The following CGA variants were observed in gnomAD, a reference collection of about 807,000 sequenced individuals.
The protein encoded by CGA is glycoprotein hormones, alpha polypeptide.
In CGA, 4 loss-of-function variants were observed where a neutral mutation model predicts 12.0. That is an observed-to-expected ratio of 0.33 (90% CI 0.16 to 0.76). The LOEUF is 0.76. CGA is among the 30% of genes least tolerant of loss of function. The pLI, the probability that CGA is intolerant of heterozygous loss-of-function variation, is 0.60. For synonymous variants in CGA, 60 were observed against 56.6 expected (o/e 1.06, Z -0.27); for missense variants, 102 against 143.5 (o/e 0.71, Z 1.48).
rs1396389533 is a variant in CGA at position 87,088,120 on chromosome 6, A to T, written c.81T>A (p.Asp27Glu). 1.3e-6 allele frequency: 2 copies of T among 1,596,824 alleles called. No homozygotes were observed. Among genetic ancestry groups the T allele is most frequent in the Non-Finnish European group, 1.7e-6 (2 of 1,169,638 alleles). The change falls in exon 2 of 4, where the codon GAT (aspartate) becomes GAA (glutamate). Residue 27 changes from aspartate (D) to glutamate (E), a missense_variant. By Grantham distance (45) the Asp-to-Glu change is conservative (BLOSUM62 2). Coordinates refer to ENST00000627148, the MANE Select transcript of CGA (RefSeq NM_000735.4). ...VFLHVLHSAP[D>E]VQDCPECTLQ... ...ACAAATTTGGTCACGCACCCTGCAC[A>T]TCAGGAGCGGAATGGAGAACATGCA...
chr6:87,095,075 T>C lies in CGA; in HGVS notation c.-70A>G, dbSNP rs1769514318. Reference sequence around the variant, plus strand: ...TTGACTGTGGATCCGAAGAGGGATTTTAGCTTCGTCTTATGAGTTCTCAGT... The same window carrying C: ...TTGACTGTGGATCCGAAGAGGGATTCTAGCTTCGTCTTATGAGTTCTCAGT... On this transcript the variant is annotated 5_prime_UTR_variant, in exon 1 of 4. Coordinates refer to ENST00000627148, the MANE Select transcript of CGA (RefSeq NM_000735.4). The C allele has an allele frequency of 6.6e-6, 1 of 152,198 alleles. No individual in the cohort carries two copies. Among genetic ancestry groups the C allele is most frequent in the Non-Finnish European group, 1.5e-5 (1 of 68,024 alleles). 9.4% of individuals were successfully genotyped at this position (152,198 alleles called of 1,614,324 possible).
At chr6:87,090,082 T>A (rs1054494362) in intron 1 of CGA, among the ~76,000 whole-genome samples, 3 of 152,190 alleles carry the variant, frequency 2.0e-5, no homozygotes, top group Admixed American at 6.5e-5. Context: ...TGTGTAAGTA[T>A]GAAGGCTAAA....
At chr6:87,091,336 G>C (rs1428241103) in intron 1 of CGA, among the ~76,000 whole-genome samples, 1 of 152,108 alleles carries the variant, frequency 6.6e-6, no homozygotes, top group Non-Finnish European at 1.5e-5. Context: ...AGTAAAAACA[G>C]AATAGCCTTC....
In CGA at chr6:87,088,186, T is replaced by C. The variant is rs6155; in HGVS notation, c.15A>G (p.Arg5=). ...TGACCAGAAAGATAGCTGCATATTT[T>C]CTGTAGTAATCCATGGCGCTCCTGC... MDYY[R]KYAAIFLVTL... Residue 5 remains arginine, a synonymous_variant, in exon 2 of 4, where the codon AGA becomes AGG. Transcript: ENST00000627148. 38,304 of 1,585,232 alleles carry C rather than the reference T, an allele frequency of 0.024. 835 individuals carry two copies. The highest frequency in any genetic ancestry group is 0.11 in the African/African-American group (8,153 of 72,080).
In CGA at chr6:87,085,793, G is replaced by T; in HGVS notation, c.314C>A (p.Ala105Glu). The T allele has an allele frequency of 6.2e-7, 1 of 1,612,676 alleles. No individual in the cohort carries two copies. Among genetic ancestry groups the T allele is most frequent in the Non-Finnish European group, 8.5e-7 (1 of 1,178,960 alleles). ...ATAATAACAAGTACTGCAGTGGCAC[G>T]CCGTGTGGTTCTCCACTTTGAAACC... ...MGGFKVENHT[A>E]CHCSTCYYHK... Residue 105 changes from alanine (A) to glutamate (E), a missense_variant, in exon 4 of 4, where the codon GCG (alanine) becomes GAG (glutamate). Physicochemically the swap from Ala to Glu is moderately radical, Grantham distance 107. Coordinates refer to ENST00000627148, the MANE Select transcript of CGA (RefSeq NM_000735.4).
At position 87,088,072 on chromosome 6, in the gene CGA, G is replaced by A. The variant is rs752689348; in HGVS notation, c.88+41C>T. ...GTTATTGATGTACATCTAGAAATGTGTGTTGTCCTTATTACTTGAACCACA... is the reference window on the plus strand; with the variant it reads ...GTTATTGATGTACATCTAGAAATGTATGTTGTCCTTATTACTTGAACCACA... On this transcript the variant is annotated intron_variant, in intron 2 of 3. Transcript: ENST00000627148. 7.1e-6 allele frequency: 8 copies of A among 1,126,110 alleles called. No homozygotes were observed. In the Admixed American group the frequency reaches 8.3e-5, roughly 12 times the overall value. 69.8% of individuals were successfully genotyped at this position (1,126,110 alleles called of 1,614,324 possible). A position where few individuals can be genotyped will look rare whatever the true frequency, so the allele number is the denominator to read the frequency against.
At position 87,085,695 on chromosome 6, in the gene CGA, A is replaced by G; in HGVS notation, c.*61T>C. 2 of 1,188,566 alleles carry G rather than the reference A, an allele frequency of 1.7e-6. No homozygotes were observed. Among genetic ancestry groups the G allele is most frequent in the Non-Finnish European group, 2.5e-6 (2 of 803,240 alleles). The allele number at this position is 1,188,566 out of a possible 1,614,324, so 73.6% of individuals were successfully genotyped here. Reference sequence around the variant, plus strand: ...TTATCTCACAAAGCCATAAACACTAAACAACTTAATTTTCCATTCCAGAAA... The same window carrying G: ...TTATCTCACAAAGCCATAAACACTAGACAACTTAATTTTCCATTCCAGAAA... On this transcript the variant is annotated 3_prime_UTR_variant, in exon 4 of 4. Coordinates refer to ENST00000627148, the MANE Select transcript of CGA (RefSeq NM_000735.4).
intron 2 of CGA, 158 bp downstream of exon 2, chr6:87,087,955 A>G: frequency 2.4e-6 from 1 of 415,346 alleles, no homozygotes; most frequent in Non-Finnish European, 4.3e-6. Context: ...ACCTAATTTA[A>G]TTTTATGTTC....
At position 87,086,262 on chromosome 6, in the gene CGA, T is replaced by C. The variant is rs1470924030; in HGVS notation, c.261A>G (p.Lys87=). ...VTSESTCCVA[K]SYNRVTVMGG... is the part of the protein sequence containing the mutation. ...TTGAGGTTCTTACCCTGTTATATGA[T>C]TTAGCTACACAGCAAGTGGACTCTG... Residue 87 remains lysine, a synonymous_variant, in exon 3 of 4, where the codon AAA becomes AAG. Transcript: ENST00000627148. The C allele has an allele frequency of 6.2e-7, 1 of 1,611,916 alleles. No individual in the cohort carries two copies. The highest frequency in any genetic ancestry group is 8.5e-7 in the Non-Finnish European group (1 of 1,179,262).
In CGA at chr6:87,085,648, T is replaced by G. The variant is rs548269987; in HGVS notation, c.*108A>C. 1 of 748,076 alleles carries G rather than the reference T, an allele frequency of 1.3e-6. No homozygotes were observed. Among genetic ancestry groups the G allele is most frequent in the East Asian group, 2.7e-5 (1 of 36,914 alleles). The allele number at this position is 748,076 out of a possible 1,614,324, so 46.3% of individuals were successfully genotyped here. On this transcript the variant is annotated 3_prime_UTR_variant, in exon 4 of 4. Transcript: ENST00000627148. ...ATATCCTTGAAGCGTGTCAAAGTGG[T>G]ATGGTAAGGAAAAGGAGAGTTTTAT...
Position 87,086,663 on chromosome 6 carries a change from G to A in CGA, c.89-229C>T, listed in dbSNP as rs1769330743. ...TAGCCAGACGTGATGGTGCACACCT[G>A]TAGTCCCAGCTGCTTGAGGGTCTGG... is the stretch of plus-strand genomic sequence containing the variant. On this transcript the variant is annotated intron_variant, in intron 2 of 3. Coordinates refer to ENST00000627148, the MANE Select transcript of CGA (RefSeq NM_000735.4). The A allele has an allele frequency of 6.5e-6, 3 of 458,584 alleles. No homozygotes were observed. In the South Asian group the frequency reaches 1.0e-4, roughly 16 times the overall value. The allele number at this position is 458,584 out of a possible 1,614,324, so 28.4% of individuals were successfully genotyped here. A position where few individuals can be genotyped will look rare whatever the true frequency, so the allele number is the denominator to read the frequency against.
intron 1 of CGA, among the ~76,000 whole-genome samples, chr6:87,094,286 TA>T (rs2127756029): frequency 6.6e-6 from 1 of 152,342 alleles, no homozygotes; most frequent in Non-Finnish European, 1.5e-5. Flanking sequence ...AAAGGTCTTT[TA>T]TTTTCTAGTG....
At chr6:87,093,025 C>A (rs746441497) in intron 1 of CGA, among the ~76,000 whole-genome samples, 3 of 152,222 alleles carry the variant, frequency 2.0e-5, no homozygotes, top group Admixed American at 6.5e-5. Flanking sequence ...GTGATATCCC[C>A]GGCTCTGCCT....
chr6:87,086,119 C>T (rs564279581), intron 3 of CGA, 131 bp downstream of exon 3: 1 of 792,336 alleles, frequency 1.3e-6, no homozygotes, highest in Admixed American at 2.5e-5. Context: ...GAAATGTATT[C>T]CCCACCTGTA....
rs1484049095 is a variant in CGA at position 87,086,023 on chromosome 6, C to T, written c.274-190G>A. ...AAGCTGTACTTTCTCCCAACCTGCCCCTTGTCACCTCTACCCCTATTCTCC... is the reference window on the plus strand; with the variant it reads ...AAGCTGTACTTTCTCCCAACCTGCCTCTTGTCACCTCTACCCCTATTCTCC... On this transcript the variant is annotated intron_variant, in intron 3 of 3. Coordinates refer to ENST00000627148, the MANE Select transcript of CGA (RefSeq NM_000735.4). 3.7e-5 allele frequency: 24 copies of T among 650,912 alleles called. No individual in the cohort carries two copies. In the Admixed American group the frequency reaches 5.7e-4, roughly 16 times the overall value. The allele number at this position is 650,912 out of a possible 1,614,324, so 40.3% of individuals were successfully genotyped here.
At chr6:87,087,917 G>C in intron 2 of CGA, 196 bp downstream of exon 2, 1 of 379,114 alleles carries the variant, frequency 2.6e-6, no homozygotes, top group Non-Finnish European at 4.7e-6. Flanking sequence ...GGTTGTGTAA[G>C]ATATCATTTT....
At chr6:87,091,546 A>G (rs1326615249) in intron 1 of CGA, among the ~76,000 whole-genome samples, 1 of 152,228 alleles carries the variant, frequency 6.6e-6, no homozygotes, top group Non-Finnish European at 1.5e-5. Context: ...TTGGTATTTC[A>G]CATGAGTATT....
In CGA at chr6:87,088,515, T is replaced by C. The variant is rs371932344; in HGVS notation, c.-7-308A>G. On this transcript the variant is annotated intron_variant, in intron 1 of 3. Transcript: ENST00000627148. ...TAAAATTTAAATTTTAAATTATCTGTCATCCTGTTAAGAAGCCTCAATGTC... is the reference window on the plus strand; with the variant it reads ...TAAAATTTAAATTTTAAATTATCTGCCATCCTGTTAAGAAGCCTCAATGTC... Among the ~76,000 whole-genome samples, 11 of 152,224 alleles carry C rather than the reference T, an allele frequency of 7.2e-5. No individual in the cohort carries two copies. In the East Asian group the frequency reaches 1.7e-3, roughly 24 times the overall value.
At chr6:87,089,839 A>G (rs2127754784) in intron 1 of CGA, among the ~76,000 whole-genome samples, 1 of 152,356 alleles carries the variant, frequency 6.6e-6, no homozygotes, top group South Asian at 2.1e-4. Flanking sequence ...ACATATAAGT[A>G]CTTAACAGAA....
Sources: allele counts gnomAD v4.1 joint callset (sites outside exome capture counted in the v4.1 genomes callset), GRCh38; gene constraint gnomAD v4.1.1; transcripts MANE v1.5; gene names NCBI Gene and HGNC (gene_info 2026-07-23, HGNC 2026-07-21).